Variants in SEMA3E observed in about 807,000 individuals in gnomAD.
The protein encoded by SEMA3E is semaphorin 3E.
In SEMA3E, 49 loss-of-function variants were observed where a neutral mutation model predicts 93.6. That is an observed-to-expected ratio of 0.52 (90% CI 0.42 to 0.66). The LOEUF (loss-of-function observed/expected upper bound fraction) is 0.66. Among genes scored for constraint, SEMA3E ranks in the 30% least tolerant of loss-of-function variants. The probability of loss-of-function intolerance (pLI) is 0.00; values close to 1 mark genes in which losing one functional copy is unlikely to be tolerated. For synonymous variants in SEMA3E, 363 were observed against 330.7 expected (o/e 1.10, Z -1.06); for missense variants, 906 against 964.8 (o/e 0.94, Z 0.81).
rs747679452 is a variant in SEMA3E at position 83,531,016 on chromosome 7, CACAG to C, written c.116-40746_116-40743del. ...ACACATACGTACATTTTCACATACA[CACAG>C]ACATTTTCCAATAAAATTACCAAGG... On this transcript the variant is annotated intron_variant, in intron 1 of 16. Coordinates refer to ENST00000643230, the MANE Select transcript of SEMA3E (RefSeq NM_012431.3). Among the ~76,000 whole-genome samples the C allele has an allele frequency of 2.6e-5, 4 of 152,064 alleles. No individual in the cohort carries two copies. In the East Asian group the frequency reaches 5.8e-4, roughly 22 times the overall value.
intron 10 of SEMA3E, among the ~76,000 whole-genome samples, chr7:83,400,898 G>A (rs1176737831): frequency 6.6e-6 from 1 of 151,976 alleles, no homozygotes; most frequent in Non-Finnish European, 1.5e-5. Context: ...TTCTAACTAA[G>A]GATCACAACT....
intron 5 of SEMA3E, among the ~76,000 whole-genome samples, chr7:83,417,004 CACACACACACAGGGAG>C (rs1424753384): frequency 1.5e-5 from 1 of 66,304 alleles, no homozygotes; most frequent in Admixed American, 2.0e-4. Flanking sequence ...CACACACACA[CACACACACACAGGGAG>C]AGAGAGAGAG....
intron 1 of SEMA3E, among the ~76,000 whole-genome samples, chr7:83,545,565 A>AG (rs1562826998): frequency 7.5e-5 from 8 of 106,780 alleles, no homozygotes; most frequent in East Asian, 3.3e-4. Flanking sequence ...AAAAAAAAAA[A>AG]AAAAGAAATA....
In SEMA3E at chr7:83,648,564, G is replaced by C. The variant is rs778461863; in HGVS notation, c.-22C>G. 1.9e-6 allele frequency: 3 copies of C among 1,571,342 alleles called. No homozygotes were observed. The highest frequency in any genetic ancestry group is 2.6e-6 in the Non-Finnish European group (3 of 1,141,990). On this transcript the variant is annotated 5_prime_UTR_variant, in exon 1 of 17. Coordinates refer to ENST00000643230, the MANE Select transcript of SEMA3E (RefSeq NM_012431.3). The stretch of plus-strand genomic sequence containing the variant: ...CCATGCTGCCGTGTTCACCGTCCAA[G>C]CCCTCGCTCCTCACTTTAAGGAGGG...
chr7:83,648,141 T>G (rs1450812645), intron 1 of SEMA3E, among the ~76,000 whole-genome samples: 1 of 152,132 alleles, frequency 6.6e-6, no homozygotes, highest in Non-Finnish European at 1.5e-5. Context: ...CTTCCTGTGT[T>G]CCGCGGGCTA....
intron 1 of SEMA3E, among the ~76,000 whole-genome samples, chr7:83,610,706 G>C (rs1393549677): frequency 1.3e-5 from 2 of 151,992 alleles, no homozygotes; most frequent in African/African-American, 4.8e-5. Context: ...AAGTGATTAA[G>C]CTAAAATGAG....
intron 10 of SEMA3E, 124 bp from the exon 11 acceptor site, chr7:83,400,374 AT>A: frequency 1.2e-6 from 1 of 863,944 alleles, no homozygotes; most frequent in Non-Finnish European, 1.9e-6. Flanking sequence ...ATTTAGAAAT[AT>A]TTAGTAATCA....
chr7:83,493,997 T>C (rs892500685), intron 1 of SEMA3E, among the ~76,000 whole-genome samples: 6 of 151,888 alleles, frequency 4.0e-5, no homozygotes, highest in Non-Finnish European at 8.8e-5. Context: ...GATGTGAATG[T>C]TTATTATATA....
At chr7:83,478,146 C>A (rs1007601471) in intron 2 of SEMA3E, among the ~76,000 whole-genome samples, 4 of 152,192 alleles carry the variant, frequency 2.6e-5, no homozygotes, top group Admixed American at 2.0e-4. Context: ...TGGTCTTGAA[C>A]TCCTGACCTC....
At chr7:83,370,015 GTCCTTATTTTCCTTACTC>G (rs1794729890) in intron 16 of SEMA3E, among the ~76,000 whole-genome samples, 1 of 152,066 alleles carries the variant, frequency 6.6e-6, no homozygotes, top group East Asian at 1.9e-4. Flanking sequence ...CCATTATACT[GTCCTTATTTTCCTTACTC>G]TTTCTTGGTT....
At chr7:83,584,537 G>A (rs1292938336) in intron 1 of SEMA3E, among the ~76,000 whole-genome samples, 1 of 152,058 alleles carries the variant, frequency 6.6e-6, no homozygotes, top group African/African-American at 2.4e-5. Flanking sequence ...AATTTTAATA[G>A]GTGGTGTTGG....
chr7:83,368,209 C>CTGTG (rs1336086971), intron 16 of SEMA3E, among the ~76,000 whole-genome samples, 171 bp from the exon 17 acceptor site: 5 of 59,002 alleles, frequency 8.5e-5, no homozygotes, highest in African/African-American at 2.1e-4. Flanking sequence ...CTCTCTCTCT[C>CTGTG]TGTGTGTGTG....
chr7:83,589,653 A>G (rs555989729), intron 1 of SEMA3E, among the ~76,000 whole-genome samples: 205 of 152,286 alleles, frequency 1.3e-3, no homozygotes, highest in South Asian at 2.3e-3. Flanking sequence ...TTAACCCAAT[A>G]TATCCAAAAT....
chr7:83,566,383 A>G (rs923371836), intron 1 of SEMA3E, among the ~76,000 whole-genome samples: 1 of 151,882 alleles, frequency 6.6e-6, no homozygotes, highest in Non-Finnish European at 1.5e-5. Context: ...CAACCTTATA[A>G]TCAATGATTG....
At chr7:83,447,719 A>G (rs1187837272) in intron 4 of SEMA3E, among the ~76,000 whole-genome samples, 1 of 152,234 alleles carries the variant, frequency 6.6e-6, no homozygotes, top group African/African-American at 2.4e-5. Flanking sequence ...GACATTACAG[A>G]TACAGTTAGA....
At chr7:83,545,008 T>C (rs1584321754) in intron 1 of SEMA3E, among the ~76,000 whole-genome samples, 1 of 152,112 alleles carries the variant, frequency 6.6e-6, no homozygotes. Context: ...TGGTGCCAGC[T>C]AATAAATGCT....
chr7:83,401,834 T>A (rs1055588333), intron 10 of SEMA3E, among the ~76,000 whole-genome samples: 1 of 152,046 alleles, frequency 6.6e-6, no homozygotes, highest in Non-Finnish European at 1.5e-5. Flanking sequence ...GTGTGACAAG[T>A]TAAATCTTTG....
intron 5 of SEMA3E, among the ~76,000 whole-genome samples, chr7:83,414,249 A>C (rs1788499102): frequency 6.6e-6 from 1 of 152,068 alleles, no homozygotes; most frequent in African/African-American, 2.4e-5. Context: ...CTTCATTTAT[A>C]ATTTTTTCAT....
At chr7:83,389,668 CAT>C (rs1165666571) in intron 14 of SEMA3E, among the ~76,000 whole-genome samples, 4 of 148,522 alleles carry the variant, frequency 2.7e-5, no homozygotes, top group African/African-American at 1.0e-4. Context: ...TACATACACA[CAT>C]ATACACGTAT....
Sources: gnomAD v4.1 joint callset for allele counts (sites outside exome capture counted in the v4.1 genomes callset) on GRCh38, gnomAD v4.1.1 for gene constraint, MANE v1.5 for transcripts, NCBI Gene and HGNC (gene_info 2026-07-23, HGNC 2026-07-21) for gene names.